Variants in NXF1 observed in about 807,000 individuals in gnomAD.
NXF1 encodes mRNA export factor TAP.
In NXF1, 43 loss-of-function variants were observed where a neutral mutation model predicts 92.4. The ratio of observed to expected loss-of-function variants is 0.47; its 90% CI spans 0.36 to 0.60. The LOEUF (loss-of-function observed/expected upper bound fraction) is 0.60, where lower values mean the gene tolerates loss of function less well. Ranked by LOEUF, NXF1 falls within the 20% of genes least tolerant of loss-of-function variation. NXF1 has a pLI of 0.00. For missense variants in NXF1, 576 were observed against 793.0 expected (o/e 0.73, Z 3.29); for synonymous variants, 288 against 292.2 (o/e 0.99, Z 0.15).
At chr11:62,800,889 C>T (rs2084471297) in intron 9 of NXF1, among the ~76,000 whole-genome samples, 2 of 152,200 alleles carry the variant, frequency 1.3e-5, no homozygotes, top group Non-Finnish European at 2.9e-5. Flanking sequence ...CCCACCTCAG[C>T]CCCCTGGGGC....
intron 1 of NXF1, chr11:62,804,242 G>A (rs891824146): frequency 6.2e-6 from 9 of 1,443,318 alleles, no homozygotes; most frequent in Admixed American, 4.3e-5. Flanking sequence ...ATGTAGAAAT[G>A]TGAGACCCAA....
chr11:62,796,333 G>C lies in NXF1; in HGVS notation c.1299C>G (p.Ala433=). The C allele has an allele frequency of 6.2e-7, 1 of 1,614,050 alleles. No homozygotes were observed. The highest frequency in any genetic ancestry group is 8.5e-7 in the Non-Finnish European group (1 of 1,180,020). Residue 433 remains alanine, a synonymous_variant, in exon 15 of 21, where the codon GCC becomes GCG. Coordinates refer to ENST00000294172, the MANE Select transcript of NXF1 (RefSeq NM_006362.5). ...IPQNPARSSL[A]EYFKDSRNVK... is the part of the protein sequence containing the mutation. ...CATTTCTGCTATCCTTGAAATACTCGGCTAAGCTGCTTCTGGGGGAATAAA... is the reference window on the plus strand; with the variant it reads ...CATTTCTGCTATCCTTGAAATACTCCGCTAAGCTGCTTCTGGGGGAATAAA...
intron 10 of NXF1, 43 bp downstream of exon 10, chr11:62,800,334 G>T (rs200588581): frequency 8.1e-6 from 13 of 1,613,578 alleles, no homozygotes; most frequent in Non-Finnish European, 1.0e-5. Context: ...AGCCTCCCAG[G>T]GGGTGAAGGT....
chr11:62,793,268 G>C (rs1384372669), intron 19 of NXF1, among the ~76,000 whole-genome samples: 1 of 152,126 alleles, frequency 6.6e-6, no homozygotes, highest in Admixed American at 6.5e-5. Context: ...TAGTAGAGAC[G>C]AGATTTCACC....
rs150419656 is a variant in NXF1, at chr11:62,792,587, C to A, written c.1821+54G>T. On this transcript the variant is annotated intron_variant, in intron 20 of 20. Transcript: ENST00000294172. ...AGCAACCCCACTCAGCTAACCTGACCTCCTGGAGGCCCAGAGATCCTAGTC... is the reference window on the plus strand; with the variant it reads ...AGCAACCCCACTCAGCTAACCTGACATCCTGGAGGCCCAGAGATCCTAGTC... The A allele has an allele frequency of 2.9e-5, 47 of 1,613,788 alleles. No homozygotes were observed. In the Admixed American group the frequency reaches 3.7e-4, roughly 13 times the overall value.
At chr11:62,797,511 C>T (rs2084433693) in intron 11 of NXF1, 125 bp from the exon 12 acceptor site, 2 of 808,908 alleles carry the variant, frequency 2.5e-6, no homozygotes, top group East Asian at 5.0e-5. Context: ...ACCAGCCTGG[C>T]TGGACAACGT....
At position 62,803,807 on chromosome 11, in the gene NXF1, C is replaced by T; in HGVS notation, c.200G>A (p.Gly67Asp). ...GGTCACTCACTATCGTACTCGGGGA[C>T]CATCCTGGGCATCACTCATTGCCAC... is the stretch of plus-strand genomic sequence containing the variant. Reference protein sequence around the residue: ...GDVAMSDAQDGPRVRYNPYTT... With the variant: ...GDVAMSDAQDDPRVRYNPYTT... Residue 67 changes from glycine to aspartate, a missense_variant, in exon 2 of 21, where the codon GGT (glycine) becomes GAT (aspartate). Transcript: ENST00000294172. 1 of 1,613,828 alleles carries T rather than the reference C, an allele frequency of 6.2e-7. No individual in the cohort carries two copies. Among genetic ancestry groups the T allele is most frequent in the Non-Finnish European group, 8.5e-7 (1 of 1,179,896 alleles).
rs377645345 is a variant in NXF1 at position 62,801,375 on chromosome 11, C to T, written c.752G>A (p.Ser251Asn). The change falls in exon 8 of 21, where the codon AGC becomes AAC. Residue 251 changes from serine to asparagine, a missense_variant. Physicochemically the swap from Ser to Asn is conservative, Grantham distance 46. This residue lies in a region of NXF1 where 425 missense variants were observed against 635.2 expected (regional missense o/e 0.67). Transcript: ENST00000294172. ...QNIDVVLNRRSCMAATLRIIE... is the reference protein window; with the variant it reads ...QNIDVVLNRRNCMAATLRIIE... Reference sequence around the variant, plus strand: ...GATCCTCAGGGTAGCTGCCATACAGCTTCTGCGATTCAGGACAACGTCAAT... The same window carrying T: ...GATCCTCAGGGTAGCTGCCATACAGTTTCTGCGATTCAGGACAACGTCAAT... The T allele has an allele frequency of 6.2e-7, 1 of 1,614,160 alleles. No individual in the cohort carries two copies. The highest frequency in any genetic ancestry group is 8.5e-7 in the Non-Finnish European group (1 of 1,180,014).
At position 62,803,856 on chromosome 11, in the gene NXF1, G is replaced by C. The variant is rs1353795553; in HGVS notation, c.151C>G (p.Arg51Gly). ...ACATCTCCATCATCTTCCTCAAGGC[G>C]GGAAGACCGAATACCAGAACCGCCT... ...GRGGSGIRSS[R>G]LEEDDGDVAM... Residue 51 changes from arginine to glycine, a missense_variant, in exon 2 of 21, where the codon CGC becomes GGC. By Grantham distance (125) the Arg-to-Gly change is moderately radical. This residue lies in a region of NXF1 where 151 missense variants were observed against 157.8 expected (regional missense o/e 0.96). Coordinates refer to ENST00000294172, the MANE Select transcript of NXF1 (RefSeq NM_006362.5). 1.9e-6 allele frequency: 3 copies of C among 1,614,136 alleles called. No individual in the cohort carries two copies. In the South Asian group the frequency reaches 3.3e-5, roughly 18 times the overall value.
rs948062613 is a variant in NXF1, at chr11:62,803,510, T to C, written c.278A>G (p.His93Arg). Residue 93 changes from histidine (H) to arginine (R), a missense_variant, in exon 3 of 21, where the codon CAT becomes CGT. Physicochemically the swap from His to Arg is conservative, Grantham distance 29 (BLOSUM62 0). Around this residue, in one of 2 missense-constraint regions of NXF1, gnomAD observed 151 missense variants for 157.8 expected, o/e 0.96. Transcript: ENST00000294172. ...AGCTCTGTCTCTCCGCACAGTAACATGAATGCGATCTCGATCATGCCAAGT... is the reference window on the plus strand; with the variant it reads ...AGCTCTGTCTCTCCGCACAGTAACACGAATGCGATCTCGATCATGCCAAGT... ...GDTWHDRDRI[H>R]VTVRRDRAPP... The C allele has an allele frequency of 6.2e-7, 1 of 1,613,978 alleles. No homozygotes were observed. Among genetic ancestry groups the C allele is most frequent in the Admixed American group, 1.7e-5 (1 of 60,008 alleles).
At position 62,803,942 on chromosome 11, in the gene NXF1, T is replaced by C. The variant is rs1258605794; in HGVS notation, c.65A>G (p.Lys22Arg). The C allele has an allele frequency of 6.2e-7, 1 of 1,614,084 alleles. No homozygotes were observed. Among genetic ancestry groups the C allele is most frequent in the South Asian group, 1.1e-5 (1 of 91,052 alleles). ...CCGGAAGGGACCCCGGCCTTTCTTC[T>C]TTCTTTGAGGGAAATTAACGCGTTC... is the stretch of plus-strand genomic sequence containing the variant. Reference protein sequence around the residue: ...DDERVNFPQRKKKGRGPFRWK... With the variant: ...DDERVNFPQRRKKGRGPFRWK... Residue 22 changes from lysine to arginine, a missense_variant, in exon 2 of 21, where the codon AAG (lysine) becomes AGG (arginine). Physicochemically the swap from Lys to Arg is conservative, Grantham distance 26. This residue lies in a region of NXF1 where 151 missense variants were observed against 157.8 expected (regional missense o/e 0.96). Transcript: ENST00000294172.
intron 16 of NXF1, 47 bp downstream of exon 16, chr11:62,796,019 C>A (rs934724928): frequency 1.1e-5 from 18 of 1,598,930 alleles, no homozygotes; most frequent in Non-Finnish European, 1.5e-5. Flanking sequence ...TTAAATGCCA[C>A]CCCCACCCCA....
Position 62,803,481 on chromosome 11 carries a change from G to C in NXF1, c.307C>G (p.Pro103Ala). 6.2e-7 allele frequency: 1 copy of C among 1,613,956 alleles called. No homozygotes were observed. The highest frequency in any genetic ancestry group is 8.5e-7 in the Non-Finnish European group (1 of 1,180,010). ...HVTVRRDRAPPERGGAGTSQD... is the reference protein window; with the variant it reads ...HVTVRRDRAPAERGGAGTSQD... ...CTGGTGCCAGCCCCTCCTCTCTCTG[G>C]AGGAGCTCTGTCTCTCCGCACAGTA... is the stretch of plus-strand genomic sequence containing the variant. Residue 103 changes from proline (P) to alanine (A), a missense_variant, in exon 3 of 21, where the codon CCA becomes GCA. Around this residue, in one of 2 missense-constraint regions of NXF1, gnomAD observed 151 missense variants for 157.8 expected, o/e 0.96. Coordinates refer to ENST00000294172, the MANE Select transcript of NXF1 (RefSeq NM_006362.5).
In NXF1 at chr11:62,796,048, G is replaced by A. The variant is rs771024505; in HGVS notation, c.1461+18C>T. On this transcript the variant is annotated intron_variant, in intron 16 of 20. Transcript: ENST00000294172. Reference sequence around the variant, plus strand: ...CACCCCAATTCTAGGCTTCTGTCAGGCGCAAGCAGGAGCTTACTGTCTGGG... The same window carrying A: ...CACCCCAATTCTAGGCTTCTGTCAGACGCAAGCAGGAGCTTACTGTCTGGG... The A allele has an allele frequency of 2.5e-6, 4 of 1,612,730 alleles. No individual in the cohort carries two copies. Among genetic ancestry groups the A allele is most frequent in the Middle Eastern group, 1.7e-4 (1 of 6,060 alleles).
At position 62,792,635 on chromosome 11, in the gene NXF1, C is replaced by T. The variant is rs200629020; in HGVS notation, c.1821+6G>A. The T allele has an allele frequency of 1.1e-5, 18 of 1,614,050 alleles. No individual in the cohort carries two copies. Among genetic ancestry groups the T allele is most frequent in the Admixed American group, 6.7e-5 (4 of 59,996 alleles). ...GTCTTTTTGCCACTGTATTTCCAGACCTTACCTTGAGATGAGTGAAGGCCT... is the reference window on the plus strand; with the variant it reads ...GTCTTTTTGCCACTGTATTTCCAGATCTTACCTTGAGATGAGTGAAGGCCT... On this transcript the variant is annotated splice_donor_region_variant and intron_variant, in intron 20 of 20. Coordinates refer to ENST00000294172, the MANE Select transcript of NXF1 (RefSeq NM_006362.5).
At chr11:62,795,183 T>G in intron 17 of NXF1, 176 bp from the exon 18 acceptor site, 1 of 584,674 alleles carries the variant, frequency 1.7e-6, no homozygotes, top group African/African-American at 1.9e-5. Context: ...GAAAGGACAA[T>G]AGTAATAACT....
At position 62,792,874 on chromosome 11, in the gene NXF1, T is replaced by C. The variant is rs138160443; in HGVS notation, c.1761-173A>G. The C allele has an allele frequency of 1.8e-4, 112 of 611,036 alleles. No homozygotes were observed. In the African/African-American group the frequency reaches 1.8e-3, roughly 10 times the overall value. 37.9% of individuals were successfully genotyped at this position (611,036 alleles called of 1,614,324 possible). A position where few individuals can be genotyped will look rare whatever the true frequency, so the allele number is the denominator to read the frequency against. On this transcript the variant is annotated intron_variant, in intron 19 of 20. Transcript: ENST00000294172. Reference sequence around the variant, plus strand: ...AAGTCCAGATGTTCTACCAATGGCTTCTCAAAGATAAGGAATATTAAATAG... The same window carrying C: ...AAGTCCAGATGTTCTACCAATGGCTCCTCAAAGATAAGGAATATTAAATAG...
At chr11:62,798,636 C>A in intron 10 of NXF1, 61 bp from the exon 11 acceptor site, 1 of 1,608,116 alleles carries the variant, frequency 6.2e-7, no homozygotes, top group South Asian at 1.1e-5. Context: ...CTGGGCTGCT[C>A]TAGGAGCAAA....
At chr11:62,795,870 G>A (rs769648064) in intron 17 of NXF1, 31 bp downstream of exon 17, 48 of 1,604,824 alleles carry the variant, frequency 3.0e-5, no homozygotes, top group Non-Finnish European at 3.5e-5. Flanking sequence ...GTGGGACCAC[G>A]CTACAAACTC....
Sources: allele counts gnomAD v4.1 joint callset (sites outside exome capture counted in the v4.1 genomes callset), GRCh38; gene constraint gnomAD v4.1.1; regional missense constraint gnomAD v4.1.1; transcripts MANE v1.5; gene names NCBI Gene and HGNC (gene_info 2026-07-23, HGNC 2026-07-21).